TBCK: variants seen among roughly 807,000 people sequenced by gnomAD.
The protein encoded by TBCK is TBC domain-containing protein kinase-like protein.
A neutral mutation model predicts 113.4 loss-of-function variants in TBCK; 99 were observed. That is an observed-to-expected ratio of 0.87 (90% CI 0.74 to 1.03). The LOEUF is 1.03. Among genes scored for constraint, TBCK ranks in the 50% least tolerant of loss-of-function variants. The pLI is 0.00. For synonymous variants in TBCK, 369 were observed against 370.8 expected (o/e 1.00, Z 0.05); for missense variants, 1,045 against 1,061.3 (o/e 0.98, Z 0.21).
At chr4:106,153,470 T>C (rs533125208) in intron 23 of TBCK, among the ~76,000 whole-genome samples, 2 of 152,146 alleles carry the variant, frequency 1.3e-5, no homozygotes, top group African/African-American at 2.4e-5. Context: ...CTTAAACATA[T>C]GGTCTATCTC....
chr4:106,184,376 A>G (rs1271916719), intron 22 of TBCK, among the ~76,000 whole-genome samples: 1 of 152,066 alleles, frequency 6.6e-6, no homozygotes, highest in Non-Finnish European at 1.5e-5. Flanking sequence ...TGAAAATATT[A>G]GAGAACTAAT....
At chr4:106,067,986 T>G (rs1044892916) in intron 25 of TBCK, among the ~76,000 whole-genome samples, 7 of 152,148 alleles carry the variant, frequency 4.6e-5, no homozygotes, top group African/African-American at 1.7e-4. Context: ...AAATTTAATA[T>G]GAATTTTAGT....
At chr4:106,206,854 C>T (rs1755558135) in intron 20 of TBCK, among the ~76,000 whole-genome samples, 1 of 152,116 alleles carries the variant, frequency 6.6e-6, no homozygotes, top group Admixed American at 6.5e-5. Flanking sequence ...AATGGCTTTA[C>T]CAGCATATCA....
At chr4:106,153,901 G>T (rs1008976200) in intron 23 of TBCK, among the ~76,000 whole-genome samples, 4 of 151,426 alleles carry the variant, frequency 2.6e-5, no homozygotes, top group Non-Finnish European at 5.9e-5. Flanking sequence ...GTTTCCATTG[G>T]CATGCAATAT....
intron 19 of TBCK, among the ~76,000 whole-genome samples, chr4:106,222,485 GAA>G (rs1757815791): frequency 6.6e-6 from 1 of 151,954 alleles, no homozygotes; most frequent in Non-Finnish European, 1.5e-5. Flanking sequence ...TTTCCCTTCC[GAA>G]AAGTTTTTCA....
intron 16 of TBCK, among the ~76,000 whole-genome samples, chr4:106,233,381 AT>A (rs1759086425): frequency 6.6e-6 from 1 of 152,050 alleles, no homozygotes; most frequent in South Asian, 2.1e-4. Context: ...GAACTACAGT[AT>A]TTTTAAAAAG....
At chr4:106,242,352 T>C in intron 12 of TBCK, 118 bp downstream of exon 12, 1 of 569,658 alleles carries the variant, frequency 1.8e-6, no homozygotes, top group Non-Finnish European at 2.9e-6. Context: ...GCACATATTT[T>C]ACAGAAGCTC....
At chr4:106,063,181 T>C (rs2149463694) in intron 25 of TBCK, among the ~76,000 whole-genome samples, 1 of 152,010 alleles carries the variant, frequency 6.6e-6, no homozygotes, top group South Asian at 2.1e-4. Context: ...GACTAAAACA[T>C]TTGCTGACGA....
rs547436622 is a variant in TBCK, at chr4:106,277,489, C to T, written c.267-15277G>A. Among the ~76,000 whole-genome samples, 45 of 152,128 alleles carry T rather than the reference C, an allele frequency of 3.0e-4. No individual in the cohort carries two copies. In the East Asian group the frequency reaches 6.0e-3, roughly 20 times the overall value. On this transcript the variant is annotated intron_variant, in intron 3 of 25. Coordinates refer to ENST00000394708, the MANE Select transcript of TBCK (RefSeq NM_001163435.3). ...TTGAAAAACAAATATATTTATAAAA[C>T]ACAATACAACTCAGCAACAAAAACA...
chr4:106,231,196 A>G (rs953537861), intron 18 of TBCK, among the ~76,000 whole-genome samples: 15 of 151,270 alleles, frequency 9.9e-5, no homozygotes, highest in African/African-American at 3.6e-4. Context: ...AAAGCCTACA[A>G]TAATAAAGTT....
intron 25 of TBCK, among the ~76,000 whole-genome samples, chr4:106,058,031 C>T (rs972077710): frequency 3.3e-5 from 5 of 151,692 alleles, no homozygotes; most frequent in Non-Finnish European, 7.4e-5. Context: ...GTGTAGTCTA[C>T]TGCAAACTAT....
rs543369448 is a variant in TBCK at position 106,045,877 on chromosome 4, T to C, written c.*693A>G. The stretch of plus-strand genomic sequence containing the variant: ...GATCAGGAAACCAGTAGACTAGCCC[T>C]GGACTGACTGTACAGACTTTCATGT... On this transcript the variant is annotated 3_prime_UTR_variant, in exon 26 of 26. Coordinates refer to ENST00000394708, the MANE Select transcript of TBCK (RefSeq NM_001163435.3). The C allele has an allele frequency of 1.1e-3, 174 of 152,360 alleles. No individual in the cohort carries two copies. Among genetic ancestry groups the C allele is most frequent in the African/African-American group, 4.1e-3 (171 of 41,568 alleles). The allele number at this position is 152,360 out of a possible 1,614,324, so 9.4% of individuals were successfully genotyped here.
intron 19 of TBCK, among the ~76,000 whole-genome samples, chr4:106,223,287 C>T (rs900648857): frequency 4.6e-5 from 7 of 152,124 alleles, no homozygotes; most frequent in Admixed American, 4.6e-4. Flanking sequence ...CTCATTGTTA[C>T]AGTTTGGTGG....
At chr4:106,081,958 T>C (rs1200080696) in intron 25 of TBCK, among the ~76,000 whole-genome samples, 2 of 152,078 alleles carry the variant, frequency 1.3e-5, no homozygotes, top group African/African-American at 4.8e-5. Flanking sequence ...ACACAAGAAA[T>C]GCTGGTGAGG....
rs993478210 is a variant in TBCK at position 106,308,969 on chromosome 4, T to C, written c.-9A>G. 5 of 1,608,318 alleles carry C rather than the reference T, an allele frequency of 3.1e-6. No homozygotes were observed. In the Admixed American group the frequency reaches 6.8e-5, roughly 22 times the overall value. On this transcript the variant is annotated 5_prime_UTR_variant, in exon 2 of 26. Transcript: ENST00000394708. ...TCCTTCAGGGGAAACATTTTTGGAG[T>C]CCTAGGTCTTCTAAGATAATCTGGA...
chr4:106,240,465 G>C (rs1759970855), intron 12 of TBCK, among the ~76,000 whole-genome samples: 1 of 151,830 alleles, frequency 6.6e-6, no homozygotes, highest in Non-Finnish European at 1.5e-5. Flanking sequence ...AAAAAGAATA[G>C]GTTCAGCAAT....
At chr4:106,299,562 A>C (rs981296363) in intron 2 of TBCK, among the ~76,000 whole-genome samples, 1 of 152,234 alleles carries the variant, frequency 6.6e-6, no homozygotes, top group Non-Finnish European at 1.5e-5. Context: ...TAGTTTTAAT[A>C]CTGCTGAGCC....
chr4:106,172,488 T>G (rs907896438), intron 22 of TBCK, among the ~76,000 whole-genome samples: 2 of 152,168 alleles, frequency 1.3e-5, no homozygotes, highest in African/African-American at 4.8e-5. Flanking sequence ...CTAGTTTTTA[T>G]CTTTCCATAT....
At chr4:106,258,347 T>C (rs1762198691) in intron 5 of TBCK, among the ~76,000 whole-genome samples, 1 of 152,060 alleles carries the variant, frequency 6.6e-6, no homozygotes, top group Non-Finnish European at 1.5e-5. Context: ...GATGGTAACA[T>C]TTTACTTTGT....
Sources: allele counts gnomAD v4.1 joint callset (sites outside exome capture counted in the v4.1 genomes callset), GRCh38; gene constraint gnomAD v4.1.1; transcripts MANE v1.5; gene names NCBI Gene and HGNC (gene_info 2026-07-23, HGNC 2026-07-21).